Variants in FBXL18 observed in about 807,000 individuals in gnomAD.
The protein encoded by FBXL18 is F-box/LRR-repeat protein 18.
A neutral mutation model predicts 46.0 loss-of-function variants in FBXL18; 36 were observed. The observed-to-expected ratio is 0.78, with a 90% confidence interval of 0.60 to 1.03. The LOEUF (loss-of-function observed/expected upper bound fraction) is 1.03, where lower values mean the gene tolerates loss of function less well. Ranked by LOEUF, FBXL18 falls within the 50% of genes least tolerant of loss-of-function variation. FBXL18 has a pLI of 0.00. For synonymous variants in FBXL18, 557 were observed against 465.3 expected, an observed-to-expected ratio of 1.20 and a Z score of -2.54; for missense variants, 977 against 1,004.1, an observed-to-expected ratio of 0.97 and a Z score of 0.36.
At chr7:5,503,762 T>A (rs1331767871) in intron 2 of FBXL18, among the ~76,000 whole-genome samples, 1 of 150,114 alleles carries the variant, frequency 6.7e-6, no homozygotes, top group African/African-American at 2.5e-5. Context: ...AGGTCAGGAG[T>A]TTGAGACCAG....
chr7:5,480,467 C>T lies in FBXL18; in HGVS notation c.*1308G>A, dbSNP rs1326596370. 6.6e-6 allele frequency: 1 copy of T among 150,682 alleles called. No homozygotes were observed. Among genetic ancestry groups the T allele is most frequent in the Non-Finnish European group, 1.5e-5 (1 of 67,894 alleles). The allele number at this position is 150,682 out of a possible 1,614,324, so 9.3% of individuals were successfully genotyped here. ...TTTCTTTTTCAGAGATGGGGTATCC[C>T]TGTGTTGCCCAGGCTGATCTCAAAC... is the stretch of plus-strand genomic sequence containing the variant. On this transcript the variant is annotated 3_prime_UTR_variant, in exon 5 of 5. Transcript: ENST00000382368.
chr7:5,490,509 C>T (rs1783894273), intron 4 of FBXL18, among the ~76,000 whole-genome samples: 1 of 152,200 alleles, frequency 6.6e-6, no homozygotes, highest in Non-Finnish European at 1.5e-5. Flanking sequence ...GGAAGAGGGG[C>T]CAGACTATGT....
At chr7:5,458,760 C>T (rs1274759527) in intron 4 of FBXL18, among the ~76,000 whole-genome samples, 1 of 151,986 alleles carries the variant, frequency 6.6e-6, no homozygotes, top group Non-Finnish European at 1.5e-5. Flanking sequence ...ACTTTGGAGG[C>T]TGAGGCATGA....
chr7:5,502,033 T>C lies in FBXL18; in HGVS notation c.238-2A>G. 6.3e-7 allele frequency: 1 copy of C among 1,574,890 alleles called. No homozygotes were observed. The highest frequency in any genetic ancestry group is 8.6e-7 in the Non-Finnish European group (1 of 1,159,192). On this transcript the variant is annotated splice_acceptor_variant, in intron 2 of 4. Transcript: ENST00000382368. LOFTEE classifies it high-confidence loss of function. The stretch of plus-strand genomic sequence containing the variant: ...CTGCCTCACTTTGTCCTCGCTCGCC[T>C]GCGGGACAGAGGCAGGGTGGGGAGA...
chr7:5,493,792 G>A (rs549900102), intron 3 of FBXL18, among the ~76,000 whole-genome samples: 5 of 152,034 alleles, frequency 3.3e-5, no homozygotes, highest in African/African-American at 9.6e-5. Context: ...TAGGATTATA[G>A]GCGTGAGCCA....
At chr7:5,461,511 T>C (rs1399110787) in intron 4 of FBXL18, among the ~76,000 whole-genome samples, 1 of 152,194 alleles carries the variant, frequency 6.6e-6, no homozygotes, top group African/African-American at 2.4e-5. Context: ...GGTGTGGTGG[T>C]GAGTGCCTGT....
chr7:5,498,638 T>A (rs1013345437), intron 3 of FBXL18, among the ~76,000 whole-genome samples: 1 of 152,136 alleles, frequency 6.6e-6, no homozygotes, highest in Non-Finnish European at 1.5e-5. Flanking sequence ...TGGTGTGATC[T>A]GGCTCACTGC....
chr7:5,454,565 T>C (rs1783146716), intron 4 of FBXL18, among the ~76,000 whole-genome samples: 1 of 152,244 alleles, frequency 6.6e-6, no homozygotes, highest in Non-Finnish European at 1.5e-5. Flanking sequence ...GTTTGATGTC[T>C]TGTTACCCAT....
At chr7:5,483,142 G>A (rs960182223) in intron 4 of FBXL18, among the ~76,000 whole-genome samples, 2 of 152,002 alleles carry the variant, frequency 1.3e-5, no homozygotes, top group Non-Finnish European at 2.9e-5. Flanking sequence ...CCCCAGAGAG[G>A]AAGACAAAAA....
downstream of FBXL18, among the ~76,000 whole-genome samples, chr7:5,474,686 TTTTA>T (rs57021114): frequency 2.0e-4 from 8 of 39,396 alleles, no homozygotes; most frequent in African/African-American, 2.9e-4. Flanking sequence ...GCACTTTATT[TTTTA>T]TTTATTTATT....
intron 2 of FBXL18, among the ~76,000 whole-genome samples, chr7:5,504,680 T>C (rs1206718869): frequency 2.2e-4 from 32 of 148,454 alleles, no homozygotes; most frequent in Non-Finnish European, 1.2e-4. Flanking sequence ...CTTTGGGATG[T>C]CGAGGCGGGC....
At chr7:5,473,780 G>C (rs1230953472), downstream of FBXL18, among the ~76,000 whole-genome samples, 4 of 137,786 alleles carry the variant, frequency 2.9e-5, no homozygotes, top group African/African-American at 1.1e-4. Flanking sequence ...AAAAAAAAAA[G>C]CACATGCACT....
intron 4 of FBXL18, among the ~76,000 whole-genome samples, chr7:5,469,944 G>A (rs926414777): frequency 1.3e-5 from 2 of 152,034 alleles, no homozygotes; most frequent in Non-Finnish European, 2.9e-5. Flanking sequence ...GCGAGTAAAC[G>A]TCCGTGTGTG....
chr7:5,484,127 T>G (rs192784765), intron 4 of FBXL18, among the ~76,000 whole-genome samples: 1 of 152,120 alleles, frequency 6.6e-6, no homozygotes, highest in Non-Finnish European at 1.5e-5. Flanking sequence ...TGTACTTGAT[T>G]TGCATCAAAC....
At position 5,509,701 on chromosome 7, in the gene FBXL18, C is replaced by CAAAAAAAAA. The variant is rs761762119; in HGVS notation, c.18+3947_18+3955dup. 1.9e-3 allele frequency among the ~76,000 whole-genome samples: 125 copies of CAAAAAAAAA among 65,462 alleles called. 1 individual carries two copies. Among genetic ancestry groups the CAAAAAAAAA allele is most frequent in the African/African-American group, 5.3e-3 (102 of 19,304 alleles). The allele number at this position is 65,462 out of a possible 152,430, so 42.9% of individuals were successfully genotyped here. ...TGGGTGACAGAGTGAGATTCCATCT[C>CAAAAAAAAA]AAAAAAAAAAAAAAAAAAGAGAAGT... On this transcript the variant is annotated intron_variant, in intron 1 of 4. Coordinates refer to ENST00000382368, the MANE Select transcript of FBXL18 (RefSeq NM_024963.6).
chr7:5,500,869 G>T lies in FBXL18; in HGVS notation c.1400C>A (p.Ala467Glu), dbSNP rs747558111. ...QSCPSPFSGQ[A>E]CPQPSSVFWS... ...GAACACGGAGGAGGGCTGGGGGCAC[G>T]CCTGGCCCGAGAAGGGGCTGGGACA... The change falls in exon 3 of 5, where the codon GCG becomes GAG. Residue 467 changes from alanine to glutamate, a missense_variant. Transcript: ENST00000382368. 14 of 1,600,664 alleles carry T rather than the reference G, an allele frequency of 8.7e-6. No homozygotes were observed. In the Admixed American group the frequency reaches 2.4e-4, roughly 27 times the overall value.
At position 5,501,347 on chromosome 7, in the gene FBXL18, G is replaced by T; in HGVS notation, c.922C>A (p.Leu308Met). 3 of 1,614,170 alleles carry T rather than the reference G, an allele frequency of 1.9e-6. No homozygotes were observed. The highest frequency in any genetic ancestry group is 2.5e-6 in the Non-Finnish European group (3 of 1,180,040). Residue 308 changes from leucine to methionine, a missense_variant, in exon 3 of 5, where the codon CTG becomes ATG. By Grantham distance (15) the Leu-to-Met change is conservative. Transcript: ENST00000382368. ...GGGTTGTTGAATTTCATGTGCTGCA[G>T]GAGGGAAGAGCCGTTCAGCCAGGAC... ...PKSWLNGSSL[L>M]QHMKFNNPFY...
Position 5,505,488 on chromosome 7 carries a change from C to T in FBXL18, c.161G>A (p.Arg54His), listed in dbSNP as rs34161358. The T allele has an allele frequency of 5.4e-3, 8,765 of 1,614,172 alleles. 27 individuals are homozygous for T. Among genetic ancestry groups the T allele is most frequent in the Non-Finnish European group, 6.6e-3 (7,769 of 1,180,032 alleles). The change falls in exon 2 of 5, where the codon CGT becomes CAT. Residue 54 changes from arginine (R) to histidine (H), a missense_variant. Physicochemically the swap from Arg to His is conservative, Grantham distance 29. Transcript: ENST00000382368. ...PSTDLILNVR[R>H]TCRKLAALCL... Reference sequence around the variant, plus strand: ...CAGGGCTGCAAGCTTCCGACAGGTACGCCGGACGTTCAGAATCAGATCTGT... The same window carrying T: ...CAGGGCTGCAAGCTTCCGACAGGTATGCCGGACGTTCAGAATCAGATCTGT...
chr7:5,489,395 G>A, intron 4 of FBXL18: 1 of 501,194 alleles, frequency 2.0e-6, no homozygotes, highest in Non-Finnish European at 4.0e-6. Flanking sequence ...AGCACTTTGG[G>A]AGGCTGAGGT....
Sources: allele counts gnomAD v4.1 joint callset (sites outside exome capture counted in the v4.1 genomes callset), GRCh38; gene constraint gnomAD v4.1.1; transcripts MANE v1.5; gene names NCBI Gene and HGNC (gene_info 2026-07-23, HGNC 2026-07-21).